The following WHRN variants were observed in gnomAD, a reference collection of about 807,000 sequenced individuals.
WHRN encodes the protein whirlin, also known as CASK-interacting protein CIP98.
Under a neutral mutation model 68.3 loss-of-function variants are expected in WHRN, and 41 were observed. That is an observed-to-expected ratio of 0.60 (90% CI 0.47 to 0.78). The LOEUF is 0.78. Among genes scored for constraint, WHRN ranks in the 30% least tolerant of loss-of-function variants. WHRN has a pLI of 0.00. For missense variants in WHRN, 1,243 were observed against 1,244.7 expected, an observed-to-expected ratio of 1.00 and a Z score of 0.02; for synonymous variants, 560 against 561.3, an observed-to-expected ratio of 1.00 and a Z score of 0.03.
Position 114,456,151 on chromosome 9 carries a change from A to AC in WHRN, c.963+10115dup, listed in dbSNP as rs1554727002. Among the ~76,000 whole-genome samples the AC allele has an allele frequency of 4.4e-3, 656 of 148,370 alleles. 2 individuals are homozygous for AC. Among genetic ancestry groups the AC allele is most frequent in the African/African-American group, 0.015 (612 of 40,460 alleles). On this transcript the variant is annotated intron_variant, in intron 3 of 11. Coordinates refer to ENST00000362057, the MANE Select transcript of WHRN (RefSeq NM_015404.4). Reference sequence around the variant, plus strand: ...AAAAAAAAACTCTAAAAAAAAAAAAACATCTCCAAATGGGCAAAAGATCCA... The same window carrying AC: ...AAAAAAAAACTCTAAAAAAAAAAAAACCATCTCCAAATGGGCAAAAGATCCA...
chr9:114,504,827 C>T lies in WHRN; in HGVS notation c.-26G>A. On this transcript the variant is annotated 5_prime_UTR_variant, in exon 1 of 12. Coordinates refer to ENST00000362057, the MANE Select transcript of WHRN (RefSeq NM_015404.4). ...CTCCACGCCGAGGCCCGGCCGGGCTCTGAGCGCGCGGGGTGTGGGCGGTGC... is the reference window on the plus strand; with the variant it reads ...CTCCACGCCGAGGCCCGGCCGGGCTTTGAGCGCGCGGGGTGTGGGCGGTGC... 7.2e-7 allele frequency: 1 copy of T among 1,384,056 alleles called. No homozygotes were observed. The highest frequency in any genetic ancestry group is 1.7e-5 in the South Asian group (1 of 58,858). The allele number at this position is 1,384,056 out of a possible 1,614,324, so 85.7% of individuals were successfully genotyped here.
intron 3 of WHRN, among the ~76,000 whole-genome samples, chr9:114,460,795 C>G (rs1373515894): frequency 6.6e-6 from 1 of 152,258 alleles, no homozygotes; most frequent in Non-Finnish European, 1.5e-5. Context: ...GGCACATTTT[C>G]TCTCCAGGGA....
intron 9 of WHRN, 47 bp downstream of exon 9, chr9:114,406,308 G>C (rs968515553): frequency 6.2e-7 from 1 of 1,611,974 alleles, no homozygotes; most frequent in African/African-American, 1.3e-5. Flanking sequence ...GACCTGAAGA[G>C]GACAGGGACC....
At chr9:114,463,478 T>A (rs898803619) in intron 3 of WHRN, among the ~76,000 whole-genome samples, 1 of 152,244 alleles carries the variant, frequency 6.6e-6, no homozygotes, top group Non-Finnish European at 1.5e-5. Flanking sequence ...CAATGTGGTA[T>A]GCTGGATTCA....
chr9:114,402,684 T>C lies in WHRN; in HGVS notation c.*70A>G, dbSNP rs370238851. The C allele has an allele frequency of 1.2e-4, 197 of 1,598,888 alleles. No individual in the cohort carries two copies. Among genetic ancestry groups the C allele is most frequent in the Non-Finnish European group, 1.6e-4 (186 of 1,169,648 alleles). ...AGCCCCAACCCCGCAAGGAGCTTGA[T>C]GAAGCCAACGGTGGAAAGGGACTGG... On this transcript the variant is annotated 3_prime_UTR_variant, in exon 12 of 12. Coordinates refer to ENST00000362057, the MANE Select transcript of WHRN (RefSeq NM_015404.4).
chr9:114,449,523 C>G (rs937171713), intron 3 of WHRN, among the ~76,000 whole-genome samples: 3 of 152,222 alleles, frequency 2.0e-5, no homozygotes, highest in African/African-American at 7.2e-5. Context: ...CTGTAAAGAC[C>G]AGGCCAGAGG....
At chr9:114,495,366 T>G (rs961992643) in intron 1 of WHRN, among the ~76,000 whole-genome samples, 8 of 152,112 alleles carry the variant, frequency 5.3e-5, no homozygotes, top group African/African-American at 1.9e-4. Context: ...TCGGCAGTGC[T>G]GGTGGCAATG....
At chr9:114,425,913 C>A in intron 4 of WHRN, 1 of 456,286 alleles carries the variant, frequency 2.2e-6, no homozygotes, top group Non-Finnish European at 4.1e-6. Flanking sequence ...GGGATGAGGG[C>A]AGGGTTATGG....
At position 114,505,040 on chromosome 9, in the gene WHRN, G is replaced by A. The variant is rs939060644; in HGVS notation, c.-239C>T. 1.2e-5 allele frequency: 6 copies of A among 505,488 alleles called. No individual in the cohort carries two copies. Among genetic ancestry groups the A allele is most frequent in the East Asian group, 3.8e-5 (1 of 26,334 alleles). 31.3% of individuals were successfully genotyped at this position (505,488 alleles called of 1,614,324 possible). ...CCTGGAATCCGGGGGACGCGGAGAC[G>A]TCGGCGGGTTCCTGAGAGACACAAG... On this transcript the variant is annotated 5_prime_UTR_variant, in exon 1 of 12. In the 5' UTR this introduces an upstream ATG that the reference lacks. Transcript: ENST00000362057.
At chr9:114,438,650 C>T (rs913679756) in intron 3 of WHRN, among the ~76,000 whole-genome samples, 1 of 152,044 alleles carries the variant, frequency 6.6e-6, no homozygotes, top group Non-Finnish European at 1.5e-5. Context: ...GATGGGGTTT[C>T]ACCTGTTAGC....
chr9:114,461,200 T>C (rs969508115), intron 3 of WHRN, among the ~76,000 whole-genome samples: 3 of 152,222 alleles, frequency 2.0e-5, no homozygotes, highest in Non-Finnish European at 4.4e-5. Context: ...GAAATCACTT[T>C]ATTGTTGCTG....
Position 114,424,522 on chromosome 9 carries a change from C to T in WHRN, c.1228G>A (p.Gly410Ser), listed in dbSNP as rs745818473. 3.6e-5 allele frequency: 58 copies of T among 1,613,228 alleles called. No individual in the cohort carries two copies. The highest frequency in any genetic ancestry group is 1.9e-4 in the African/African-American group (14 of 74,910). The change falls in exon 6 of 12, where the codon GGC becomes AGC. Residue 410 changes from glycine (G) to serine (S), a missense_variant. By Grantham distance (56) the Gly-to-Ser change is moderately conservative (BLOSUM62 0). Coordinates refer to ENST00000362057, the MANE Select transcript of WHRN (RefSeq NM_015404.4). ...NKPGFYKGPA[G>S]SQVTLSSLGN... ...AGGCTGCTCAGGGTCACCTGGGAGC[C>T]GGCTGGGCCCTTGTAAAATCCTGGC... is the stretch of plus-strand genomic sequence containing the variant.
chr9:114,458,633 T>A (rs1839998505), intron 3 of WHRN, among the ~76,000 whole-genome samples: 1 of 151,838 alleles, frequency 6.6e-6, no homozygotes, highest in Non-Finnish European at 1.5e-5. Flanking sequence ...GCCCAGTGAG[T>A]CTTTCCTGTT....
chr9:114,468,777 G>A (rs948020212), intron 2 of WHRN, among the ~76,000 whole-genome samples: 3 of 152,108 alleles, frequency 2.0e-5, no homozygotes, highest in Non-Finnish European at 2.9e-5. Flanking sequence ...CAGGCTCTGC[G>A]GACACTTGGG....
At position 114,504,962 on chromosome 9, in the gene WHRN, C is replaced by G; in HGVS notation, c.-161G>C. 2.8e-5 allele frequency: 30 copies of G among 1,067,966 alleles called. No individual in the cohort carries two copies. The highest frequency in any genetic ancestry group is 3.6e-5 in the Non-Finnish European group (30 of 822,832). 66.2% of individuals were successfully genotyped at this position (1,067,966 alleles called of 1,614,324 possible). A position where few individuals can be genotyped will look rare whatever the true frequency, so the allele number is the denominator to read the frequency against. Reference sequence around the variant, plus strand: ...GTACAGTGGCTGGATCCTAGGGGGTCGCGGAGACCGCTGCTAGAGTCCCGG... The same window carrying G: ...GTACAGTGGCTGGATCCTAGGGGGTGGCGGAGACCGCTGCTAGAGTCCCGG... On this transcript the variant is annotated 5_prime_UTR_variant, in exon 1 of 12. Coordinates refer to ENST00000362057, the MANE Select transcript of WHRN (RefSeq NM_015404.4).
intron 4 of WHRN, 146 bp from the exon 5 acceptor site, chr9:114,425,170 G>T: frequency 1.2e-6 from 1 of 819,910 alleles, no homozygotes. Flanking sequence ...TTCAGTCTGG[G>T]GGCTACTCAG....
chr9:114,488,472 C>A (rs1448584941), intron 1 of WHRN, among the ~76,000 whole-genome samples: 3 of 152,104 alleles, frequency 2.0e-5, no homozygotes, highest in Non-Finnish European at 4.4e-5. Context: ...TCTCCATTGC[C>A]CTCTCACCAG....
rs139640783 is a variant in WHRN at position 114,457,883 on chromosome 9, T to C, written c.963+8384A>G. On this transcript the variant is annotated intron_variant, in intron 3 of 11. Transcript: ENST00000362057. ...GTGAGCCAAGATGGTGCCGCTGCAC[T>C]CCAGCCTGGGCAACAGAGCCAGACT... Among the ~76,000 whole-genome samples the C allele has an allele frequency of 2.5e-3, 356 of 143,672 alleles. 3 individuals are homozygous for C. The highest frequency in any genetic ancestry group is 9.1e-3 in the African/African-American group (344 of 37,902). 94.3% of individuals were successfully genotyped at this position (143,672 alleles called of 152,430 possible). A position where few individuals can be genotyped will look rare whatever the true frequency, so the allele number is the denominator to read the frequency against.
chr9:114,423,206 CTG>C, intron 7 of WHRN, 106 bp downstream of exon 7: 2 of 1,170,378 alleles, frequency 1.7e-6, no homozygotes, highest in Admixed American at 3.4e-5. Flanking sequence ...AGGCACACAG[CTG>C]GTAAGTGGTG....
Sources: gnomAD v4.1 joint callset for allele counts (sites outside exome capture counted in the v4.1 genomes callset) on GRCh38, gnomAD v4.1.1 for gene constraint, MANE v1.5 for transcripts, NCBI Gene and HGNC (gene_info 2026-07-23, HGNC 2026-07-21) for gene names.